The following RIPOR1 variants were observed in gnomAD, a reference collection of about 807,000 sequenced individuals.
RIPOR1 encodes rho family-interacting cell polarization regulator 1.
In RIPOR1, 58 loss-of-function variants were observed where a neutral mutation model predicts 116.5. The observed-to-expected ratio is 0.50, with a 90% CI of 0.40 to 0.62. The LOEUF is 0.62. Ranked by LOEUF, RIPOR1 falls within the 20% of genes least tolerant of loss-of-function variation. RIPOR1 has a pLI of 0.00. For synonymous variants in RIPOR1, 605 were observed against 650.0 expected (o/e 0.93, Z 1.05); for missense variants, 1,372 against 1,586.2 (o/e 0.86, Z 2.29).
At chr16:67,536,581 TCCTTTCC>T (rs999674055) in intron 1 of RIPOR1, among the ~76,000 whole-genome samples, 5 of 152,044 alleles carry the variant, frequency 3.3e-5, no homozygotes, top group African/African-American at 1.2e-4. Flanking sequence ...CCAGACCTGA[TCCTTTCC>T]CCTGGGTCCT....
intron 1 of RIPOR1, 125 bp from the exon 2 acceptor site, chr16:67,538,299 G>A (rs2142510666): frequency 1.5e-6 from 2 of 1,340,296 alleles, no homozygotes; most frequent in East Asian, 5.2e-5. Context: ...GGCGGACCCG[G>A]CCGGAGCCCG....
Position 67,543,500 on chromosome 16 carries a change from C to A in RIPOR1, c.2600+31C>A. The A allele has an allele frequency of 1.3e-6, 2 of 1,545,226 alleles. No individual in the cohort carries two copies. The highest frequency in any genetic ancestry group is 1.7e-6 in the Non-Finnish European group (2 of 1,146,758). On this transcript the variant is annotated intron_variant, in intron 14 of 21. Coordinates refer to ENST00000042381, the MANE Select transcript of RIPOR1 (RefSeq NM_024519.4). The surrounding 1 kb of genome is among the most constrained non-coding windows in gnomAD (Gnocchi z 4.7). ...GGGGCTAGGCAAGATGGGTGTGAGG[C>A]TAGGTGAGAGGGAAAAGGTGAGGCA... is the stretch of plus-strand genomic sequence containing the variant.
Position 67,540,428 on chromosome 16 carries a change from A to C in RIPOR1, c.632-30A>C, listed in dbSNP as rs1038412350. The C allele has an allele frequency of 4.3e-6, 7 of 1,614,038 alleles. No homozygotes were observed. In the Admixed American group the frequency reaches 8.3e-5, roughly 19 times the overall value. On this transcript the variant is annotated intron_variant, in intron 8 of 21. Transcript: ENST00000042381. The surrounding 1 kb of genome is among the most constrained non-coding windows in gnomAD (Gnocchi z 4.7). ...ATGCTGAAGAACCCCAATATGGCTCACCGACTTCTCCCCTTCTCCTCCAAC... is the reference window on the plus strand; with the variant it reads ...ATGCTGAAGAACCCCAATATGGCTCCCCGACTTCTCCCCTTCTCCTCCAAC...
chr16:67,542,446 A>G lies in RIPOR1; in HGVS notation c.1660A>G (p.Ser554Gly). ...PTHTTTGSTY[S>G]AITTTHSAPS... ...TCACACCACTACAGGCTCTACCTAT[A>G]GTGCCATTACCACTACCCACAGTGC... The change falls in exon 13 of 22, where the codon AGT becomes GGT. Residue 554 changes from serine to glycine, a missense_variant. By Grantham distance (56) the Ser-to-Gly change is moderately conservative (BLOSUM62 0). Around this residue, in one of 3 missense-constraint regions of RIPOR1, gnomAD observed 1,005 missense variants for 1,144.7 expected, o/e 0.88. Transcript: ENST00000042381. The surrounding 1 kb of genome is among the most constrained non-coding windows in gnomAD (Gnocchi z 4.6). The G allele has an allele frequency of 6.2e-7, 1 of 1,613,904 alleles. No individual in the cohort carries two copies. Among genetic ancestry groups the G allele is most frequent in the South Asian group, 1.1e-5 (1 of 91,076 alleles).
intron 1 of RIPOR1, among the ~76,000 whole-genome samples, chr16:67,532,624 A>G (rs1271547932): frequency 6.6e-6 from 1 of 152,084 alleles, no homozygotes; most frequent in African/African-American, 2.4e-5. Flanking sequence ...TGTTATTATT[A>G]TTATTGTCCT....
rs2050835149 is a variant in RIPOR1, at chr16:67,537,729, C to T, written c.-23-695C>T. On this transcript the variant is annotated intron_variant, in intron 1 of 21. Transcript: ENST00000042381. This position sits in a 1 kb window ranked among gnomAD's most constrained non-coding sequence, Gnocchi z 4.6. ...GCCGAGGAGCTCTCCCCGCCGATGC[C>T]GGGGTGGAGGCGCACGTCCGTGACT... 5.7e-6 allele frequency: 3 copies of T among 523,274 alleles called. No individual in the cohort carries two copies. In the South Asian group the frequency reaches 2.1e-4, roughly 37 times the overall value. The allele number at this position is 523,274 out of a possible 1,614,324, so 32.4% of individuals were successfully genotyped here.
Position 67,537,483 on chromosome 16 carries a change from G to A in RIPOR1, c.-23-941G>A. The A allele has an allele frequency of 8.0e-7, 1 of 1,255,926 alleles. No individual in the cohort carries two copies. Among genetic ancestry groups the A allele is most frequent in the South Asian group, 2.9e-5 (1 of 34,162 alleles). 77.8% of individuals were successfully genotyped at this position (1,255,926 alleles called of 1,614,324 possible). A position where few individuals can be genotyped will look rare whatever the true frequency, so the allele number is the denominator to read the frequency against. On this transcript the variant is annotated intron_variant, in intron 1 of 21. Transcript: ENST00000042381. This position sits in a 1 kb window ranked among gnomAD's most constrained non-coding sequence, Gnocchi z 4.6. Reference sequence around the variant, plus strand: ...AGCCGAAGCCGAGCCAGAGCCGCTGGGAGCGAGCCCGGAGCCCAGCCGGGC... The same window carrying A: ...AGCCGAAGCCGAGCCAGAGCCGCTGAGAGCGAGCCCGGAGCCCAGCCGGGC...
intron 2 of RIPOR1, 42 bp downstream of exon 2, chr16:67,538,592 A>G: frequency 6.2e-7 from 1 of 1,608,484 alleles, no homozygotes; most frequent in South Asian, 1.1e-5. Context: ...AGGGCGTCAG[A>G]TGGGGCTGGG....
rs35736328 is a variant in RIPOR1, at chr16:67,521,292, C to G, written c.-24+2679C>G. On this transcript the variant is annotated intron_variant, in intron 1 of 1. Transcript: ENST00000562116. ...CAACTTTACTTCTTAGGAGCAGAGT[C>G]GGGTTCCGCCTGGGGATTCTCAGCC... 4.4e-3 allele frequency among the ~76,000 whole-genome samples: 673 copies of G among 152,286 alleles called. 5 individuals carry two copies. The highest frequency in any genetic ancestry group is 0.015 in the African/African-American group (643 of 41,574).
intron 1 of RIPOR1, among the ~76,000 whole-genome samples, chr16:67,534,501 T>G (rs1009361378): frequency 6.6e-6 from 1 of 152,162 alleles, no homozygotes; most frequent in Non-Finnish European, 1.5e-5. Flanking sequence ...AGTGTACAAC[T>G]CTGTACATTT....
At position 67,542,787 on chromosome 16, in the gene RIPOR1, C is replaced by G. The variant is rs768401019; in HGVS notation, c.2001C>G (p.Pro667=). Residue 667 remains proline, a synonymous_variant, in exon 13 of 22, where the codon CCC becomes CCG. Transcript: ENST00000042381. This position sits in a 1 kb window ranked among gnomAD's most constrained non-coding sequence, Gnocchi z 4.6. Reference sequence around the variant, plus strand: ...ATCCTACCACAAGCCCCACCCATCCCACCACAAGCCCCATCCTTATAAATG... The same window carrying G: ...ATCCTACCACAAGCCCCACCCATCCGACCACAAGCCCCATCCTTATAAATG... The part of the protein sequence containing the change: ...PTHPTTSPTH[P]TTSPILINVS... The G allele has an allele frequency of 6.2e-7, 1 of 1,613,848 alleles. No individual in the cohort carries two copies. The highest frequency in any genetic ancestry group is 1.1e-5 in the South Asian group (1 of 91,062).
intron 1 of RIPOR1, among the ~76,000 whole-genome samples, chr16:67,536,343 G>C (rs548475267): frequency 1.3e-5 from 2 of 152,160 alleles, no homozygotes; most frequent in Non-Finnish European, 2.9e-5. Context: ...AGCTATTTGG[G>C]AGCCTGAGGC....
At chr16:67,535,674 G>T (rs2050774540) in intron 1 of RIPOR1, among the ~76,000 whole-genome samples, 1 of 152,178 alleles carries the variant, frequency 6.6e-6, no homozygotes. Flanking sequence ...GGGCTCAAGG[G>T]GCCAGAGGTC....
rs2050835607 is a variant in RIPOR1, at chr16:67,537,740, C to T, written c.-23-684C>T. ...CTCCCCGCCGATGCCGGGGTGGAGGCGCACGTCCGTGACTCAGTTTCCAGG... is the reference window on the plus strand; with the variant it reads ...CTCCCCGCCGATGCCGGGGTGGAGGTGCACGTCCGTGACTCAGTTTCCAGG... On this transcript the variant is annotated intron_variant, in intron 1 of 21. Transcript: ENST00000042381. The surrounding 1 kb of genome is among the most constrained non-coding windows in gnomAD (Gnocchi z 4.6). 2.1e-6 allele frequency: 1 copy of T among 485,510 alleles called. No homozygotes were observed. Among genetic ancestry groups the T allele is most frequent in the Non-Finnish European group, 3.3e-6 (1 of 300,194 alleles). 30.1% of individuals were successfully genotyped at this position (485,510 alleles called of 1,614,324 possible).
chr16:67,541,893 G>A lies in RIPOR1; in HGVS notation c.1107G>A (p.Leu369=). The A allele has an allele frequency of 1.2e-6, 2 of 1,609,974 alleles. No homozygotes were observed. The highest frequency in any genetic ancestry group is 1.1e-5 in the South Asian group (1 of 91,022). ...FYNMLRRQEE[L]ENGTAWSLSS... The stretch of plus-strand genomic sequence containing the variant: ...ACATGCTGCGACGGCAGGAGGAGCT[G>A]GAGAATGGGACAGCATGGTCCCTGT... The change falls in exon 13 of 22, where the codon CTG becomes CTA. Residue 369 remains leucine (L), a synonymous_variant. Coordinates refer to ENST00000042381, the MANE Select transcript of RIPOR1 (RefSeq NM_024519.4). The surrounding 1 kb of genome is among the most constrained non-coding windows in gnomAD (Gnocchi z 4.6).
In RIPOR1 at chr16:67,543,226, C is replaced by G. The variant is rs150376859; in HGVS notation, c.2440C>G (p.Leu814Val). Residue 814 changes from leucine to valine, a missense_variant, in exon 13 of 22, where the codon CTG (leucine) becomes GTG (valine). Physicochemically the swap from Leu to Val is conservative, Grantham distance 32. Transcript: ENST00000042381. The surrounding 1 kb of genome is among the most constrained non-coding windows in gnomAD (Gnocchi z 4.7). ...YRGQFPELQG[L>V]EQEVTRLESL... The stretch of plus-strand genomic sequence containing the variant: ...TGGCCAGTTTCCTGAGCTGCAGGGC[C>G]TGGAGCAGGAGGTGACCCGCCTAGA... The G allele has an allele frequency of 1.9e-4, 294 of 1,579,306 alleles. 1 individual carries two copies. The highest frequency in any genetic ancestry group is 2.3e-4 in the Non-Finnish European group (266 of 1,160,844).
chr16:67,522,208 TTTTTTTTTTTTTG>T, intron 1 of RIPOR1, among the ~76,000 whole-genome samples: 1 of 139,338 alleles, frequency 7.2e-6, no homozygotes. Flanking sequence ...TTTTTTTTTT[TTTTTTTTTTTTTG>T]AGACAGAGTC....
In RIPOR1 at chr16:67,538,655, G is replaced by A. The variant is rs1340781734; in HGVS notation, c.105-17G>A. On this transcript the variant is annotated splice_polypyrimidine_tract_variant and intron_variant, in intron 2 of 21. Transcript: ENST00000042381. ...GGACTCCTGCTCTCCTCTTTCTGAGGACAGCCTCTCCTTCAGGAGTTTCCC... is the reference window on the plus strand; with the variant it reads ...GGACTCCTGCTCTCCTCTTTCTGAGAACAGCCTCTCCTTCAGGAGTTTCCC... The A allele has an allele frequency of 1.9e-6, 3 of 1,611,790 alleles. No homozygotes were observed. Among genetic ancestry groups the A allele is most frequent in the South Asian group, 1.1e-5 (1 of 90,984 alleles).
At position 67,543,565 on chromosome 16, in the gene RIPOR1, C is replaced by CA. The variant is rs998815732; in HGVS notation, c.2600+99dup. The CA allele has an allele frequency of 2.6e-6, 4 of 1,512,478 alleles. No individual in the cohort carries two copies. The African/African-American group carries it at 5.5e-5, about 21-fold the overall frequency. 93.7% of individuals were successfully genotyped at this position (1,512,478 alleles called of 1,614,324 possible). ...TGGAACAGGTGAATTGGGAGAAAGT[C>CA]AAAGGACAGGACAGGTGAGGCAGGG... On this transcript the variant is annotated intron_variant, in intron 14 of 21. Coordinates refer to ENST00000042381, the MANE Select transcript of RIPOR1 (RefSeq NM_024519.4). The surrounding 1 kb of genome is among the most constrained non-coding windows in gnomAD (Gnocchi z 4.7).
Sources: gnomAD v4.1 joint callset for allele counts (sites outside exome capture counted in the v4.1 genomes callset) on GRCh38, gnomAD v4.1.1 for gene constraint, gnomAD v4.1.1 regional missense constraint, Gnocchi (gnomAD v3.1) non-coding constraint, MANE v1.5 for transcripts, NCBI Gene and HGNC (gene_info 2026-07-23, HGNC 2026-07-21) for gene names.